PPARGC1A: variants seen among roughly 807,000 people sequenced by gnomAD.
PPARGC1A encodes the protein PPARG coactivator 1 alpha.
PPARGC1A carries 25 observed loss-of-function variants against 88.7 expected under a neutral mutation model. The ratio of observed to expected loss-of-function variants is 0.28; its 90% CI spans 0.21 to 0.39. PPARGC1A has a LOEUF of 0.39. Among genes scored for constraint, PPARGC1A ranks in the 10% least tolerant of loss-of-function variants. The pLI is 1.00. For missense variants in PPARGC1A, 880 were observed against 968.7 expected, an observed-to-expected ratio of 0.91 and a Z score of 1.22; for synonymous variants, 363 against 355.6, an observed-to-expected ratio of 1.02 and a Z score of -0.24.
the PPARGC1A span, among the ~76,000 whole-genome samples, chr4:24,192,011 T>C: frequency 0.93 from 141,086 of 152,252 alleles, 65,695 homozygotes; most frequent in East Asian, 1. Flanking sequence ...CACGCCTCGA[T>C]GGACACCACT....
the PPARGC1A span, among the ~76,000 whole-genome samples, chr4:24,176,244 T>C: frequency 6.6e-6 from 1 of 152,240 alleles, no homozygotes; most frequent in Non-Finnish European, 1.5e-5. Context: ...CACTGCTTTG[T>C]CTCCAGCATT....
At chr4:23,861,367 C>T (rs6828403) in intron 2 of PPARGC1A, among the ~76,000 whole-genome samples, 6,045 of 152,256 alleles carry the variant, frequency 0.04, 376 homozygotes, top group African/African-American at 0.14. Flanking sequence ...GGTAATTTTC[C>T]CAGTCCCCTA....
chr4:24,439,216 G>A, the PPARGC1A span, among the ~76,000 whole-genome samples: 1 of 152,264 alleles, frequency 6.6e-6, no homozygotes, highest in African/African-American at 2.4e-5. Context: ...AAGAACTGAT[G>A]CAATAATGGC....
chr4:24,128,076 C>T, the PPARGC1A span, among the ~76,000 whole-genome samples: 11 of 152,184 alleles, frequency 7.2e-5, no homozygotes, highest in Non-Finnish European at 1.5e-4. Flanking sequence ...CCTTAGCATC[C>T]TCCATATATA....
chr4:24,302,276 A>C, the PPARGC1A span, among the ~76,000 whole-genome samples: 2 of 152,252 alleles, frequency 1.3e-5, no homozygotes, highest in Non-Finnish European at 2.9e-5. Flanking sequence ...CCAAAAAAAC[A>C]ATGCTCCTGA....
chr4:24,016,776 T>C, the PPARGC1A span, among the ~76,000 whole-genome samples: 1 of 152,184 alleles, frequency 6.6e-6, no homozygotes, highest in Non-Finnish European at 1.5e-5. Context: ...ATAACACACC[T>C]GAGAAATATC....
At chr4:24,289,219 C>CAAAAAA in the PPARGC1A span, among the ~76,000 whole-genome samples, 2 of 82,770 alleles carry the variant, frequency 2.4e-5, no homozygotes, top group African/African-American at 4.2e-5. Context: ...GACTCCGTCT[C>CAAAAAA]AAAAAAAAAA....
chr4:24,223,303 G>A, the PPARGC1A span, among the ~76,000 whole-genome samples: 1 of 144,336 alleles, frequency 6.9e-6, no homozygotes. Context: ...AGGCTGGAGT[G>A]CAGTGGCACG....
chr4:23,974,162 A>G, the PPARGC1A span, among the ~76,000 whole-genome samples: 1 of 152,176 alleles, frequency 6.6e-6, no homozygotes, highest in South Asian at 2.1e-4. Context: ...AGAATCCAAT[A>G]ATAATAACAT....
the PPARGC1A span, among the ~76,000 whole-genome samples, chr4:24,255,349 T>A: frequency 6.6e-6 from 1 of 152,240 alleles, no homozygotes; most frequent in East Asian, 1.9e-4. Context: ...AATGTAATCA[T>A]GCAAAATTAA....
chr4:24,116,499 T>A, the PPARGC1A span, among the ~76,000 whole-genome samples: 1 of 152,268 alleles, frequency 6.6e-6, no homozygotes, highest in African/African-American at 2.4e-5. Flanking sequence ...CTATGAAGAA[T>A]ATGGAAAAAA....
chr4:24,411,089 C>T, the PPARGC1A span, among the ~76,000 whole-genome samples: 229 of 152,162 alleles, frequency 1.5e-3, no homozygotes, highest in Middle Eastern at 0.017. Context: ...CATTTGGTGG[C>T]GGCTGTTTTT....
chr4:24,394,312 A>G, the PPARGC1A span, among the ~76,000 whole-genome samples: 1 of 152,166 alleles, frequency 6.6e-6, no homozygotes, highest in Non-Finnish European at 1.5e-5. Flanking sequence ...CTGGGAAACC[A>G]TGAGATCCAA....
chr4:23,811,525 T>G (rs570211071), intron 10 of PPARGC1A, among the ~76,000 whole-genome samples: 2 of 152,204 alleles, frequency 1.3e-5, no homozygotes, highest in Non-Finnish European at 2.9e-5. Context: ...GGGGGCTCAA[T>G]GGGAAAGAGT....
chr4:24,433,673 T>C, the PPARGC1A span, among the ~76,000 whole-genome samples: 1 of 152,174 alleles, frequency 6.6e-6, no homozygotes, highest in Non-Finnish European at 1.5e-5. Flanking sequence ...TGGGATGCTA[T>C]GTTGCAGCCA....
At chr4:24,437,680 T>C in the PPARGC1A span, among the ~76,000 whole-genome samples, 1 of 152,022 alleles carries the variant, frequency 6.6e-6, no homozygotes, top group South Asian at 2.1e-4. Flanking sequence ...TCTTTTTTTT[T>C]CTTTTCGAGA....
At chr4:24,117,691 T>G in the PPARGC1A span, among the ~76,000 whole-genome samples, 1 of 151,878 alleles carries the variant, frequency 6.6e-6, no homozygotes, top group Non-Finnish European at 1.5e-5. Flanking sequence ...CCGCTTGATA[T>G]GAGGATAAGA....
At chr4:24,293,273 A>T in the PPARGC1A span, among the ~76,000 whole-genome samples, 1 of 470 alleles carries the variant, frequency 2.1e-3, no homozygotes, top group African/African-American at 0.017. Flanking sequence ...CTCCTCCCTA[A>T]CCCCTCACCC....
At chr4:23,879,849 T>C (rs1715565694) in intron 2 of PPARGC1A, 1 of 152,174 alleles carries the variant, frequency 6.6e-6, no homozygotes, top group Admixed American at 6.5e-5. Flanking sequence ...TGGGTTCTCA[T>C]GACCCACCGT....
Sources: allele counts gnomAD v4.1 joint callset (sites outside exome capture counted in the v4.1 genomes callset), GRCh38; gene constraint gnomAD v4.1.1; transcripts MANE v1.5; gene names NCBI Gene and HGNC (gene_info 2026-07-23, HGNC 2026-07-21).